KDM4C: variants seen among roughly 807,000 people sequenced by gnomAD.
The protein encoded by KDM4C is lysine-specific demethylase 4C.
In KDM4C, 81 loss-of-function variants were observed where a neutral mutation model predicts 129.3. That is an observed-to-expected ratio of 0.63 (90% confidence interval 0.52 to 0.75). KDM4C has a LOEUF of 0.75. Among genes scored for constraint, KDM4C ranks in the 30% least tolerant of loss-of-function variants. The pLI, the probability that KDM4C is intolerant of heterozygous loss-of-function variation, is 0.00. For synonymous variants in KDM4C, 573 were observed against 456.1 expected (o/e 1.26, Z -3.26); for missense variants, 1,457 against 1,304.0 (o/e 1.12, Z -1.81).
intron 18 of KDM4C, among the ~76,000 whole-genome samples, chr9:7,113,455 T>C (rs977843847): frequency 6.6e-6 from 1 of 152,208 alleles, no homozygotes; most frequent in Non-Finnish European, 1.5e-5. Context: ...TAAACATTTT[T>C]GAACCCTATT....
At chr9:6,979,988 G>A (rs552150663) in intron 8 of KDM4C, among the ~76,000 whole-genome samples, 2 of 152,168 alleles carry the variant, frequency 1.3e-5, no homozygotes, top group African/African-American at 4.8e-5. Flanking sequence ...GGGAGTTTGG[G>A]TTTGGATATA....
intron 4 of KDM4C, among the ~76,000 whole-genome samples, chr9:6,822,428 G>A (rs1455353251): frequency 2.0e-5 from 3 of 152,170 alleles, no homozygotes; most frequent in Non-Finnish European, 4.4e-5. Context: ...TAATATAATT[G>A]ACTACATTGA....
chr9:7,068,856 C>T (rs1321747105), intron 17 of KDM4C, among the ~76,000 whole-genome samples: 1 of 151,824 alleles, frequency 6.6e-6, no homozygotes, highest in African/African-American at 2.4e-5. Context: ...ACCACCACGC[C>T]CAGCTAGTTT....
chr9:6,744,384 G>A (rs1563922978), intron 1 of KDM4C, among the ~76,000 whole-genome samples: 1 of 152,094 alleles, frequency 6.6e-6, no homozygotes, highest in African/African-American at 2.4e-5. Context: ...AATTAGCTGG[G>A]CATGGTGGCG....
At chr9:6,963,510 C>G (rs983009734) in intron 8 of KDM4C, among the ~76,000 whole-genome samples, 1 of 152,110 alleles carries the variant, frequency 6.6e-6, no homozygotes, top group Non-Finnish European at 1.5e-5. Flanking sequence ...GGGGAGCTGA[C>G]CTAGTCTATG....
intron 1 of KDM4C, among the ~76,000 whole-genome samples, chr9:6,761,932 G>A (rs1032970981): frequency 5.9e-5 from 9 of 151,816 alleles, no homozygotes; most frequent in South Asian, 2.1e-4. Context: ...TCAGCCTCCC[G>A]AGTAGCTGGG....
chr9:6,796,368 C>A (rs1027988692), intron 2 of KDM4C, among the ~76,000 whole-genome samples: 1 of 152,160 alleles, frequency 6.6e-6, no homozygotes, highest in South Asian at 2.1e-4. Flanking sequence ...TCACTTGAAC[C>A]CGGGAGGTGG....
At chr9:7,074,665 C>A (rs1009120983) in intron 17 of KDM4C, among the ~76,000 whole-genome samples, 1 of 152,052 alleles carries the variant, frequency 6.6e-6, no homozygotes, top group Non-Finnish European at 1.5e-5. Context: ...TTATTAAATT[C>A]AGATTTAGCA....
chr9:6,896,472 AAT>A (rs147956009), intron 8 of KDM4C, among the ~76,000 whole-genome samples: 5,037 of 148,804 alleles, frequency 0.034, 82 homozygotes, highest in South Asian at 0.063. Flanking sequence ...AACACTATGA[AAT>A]ATATATATAT....
chr9:6,842,753 A>G (rs1466628938), intron 4 of KDM4C, among the ~76,000 whole-genome samples: 1 of 151,920 alleles, frequency 6.6e-6, no homozygotes, highest in Non-Finnish European at 1.5e-5. Context: ...TCTCCTTTAG[A>G]CAGGATAGTA....
chr9:6,959,059 C>T (rs1308587253), intron 8 of KDM4C, among the ~76,000 whole-genome samples: 1 of 152,200 alleles, frequency 6.6e-6, no homozygotes, highest in Non-Finnish European at 1.5e-5. Context: ...TAGAATAAAA[C>T]ATTTATAGTC....
At chr9:6,785,954 A>G (rs1374614978) in intron 1 of KDM4C, among the ~76,000 whole-genome samples, 2 of 152,186 alleles carry the variant, frequency 1.3e-5, no homozygotes, top group Non-Finnish European at 2.9e-5. Flanking sequence ...TTCTAGCCAG[A>G]GACATAGTCT....
At position 7,011,926 on chromosome 9, in the gene KDM4C, T is replaced by C. The variant is rs749021970; in HGVS notation, c.1968+47T>C. On this transcript the variant is annotated intron_variant, in intron 13 of 21. Coordinates refer to ENST00000381309, the MANE Select transcript of KDM4C (RefSeq NM_015061.6). Reference sequence around the variant, plus strand: ...GTTCCCTTCACTGCTCTGCCTTCCATGTGACCACATACCACAAGATCACTG... The same window carrying C: ...GTTCCCTTCACTGCTCTGCCTTCCACGTGACCACATACCACAAGATCACTG... The C allele has an allele frequency of 8.9e-6, 13 of 1,468,766 alleles. No individual in the cohort carries two copies. In the Admixed American group the frequency reaches 1.7e-4, roughly 19 times the overall value. The allele number at this position is 1,468,766 out of a possible 1,614,324, so 91.0% of individuals were successfully genotyped here.
intron 17 of KDM4C, among the ~76,000 whole-genome samples, chr9:7,075,978 A>G (rs1833860914): frequency 6.6e-6 from 1 of 152,190 alleles, no homozygotes; most frequent in Admixed American, 6.5e-5. Context: ...TTCCTCAGTC[A>G]TAGAAAAGAA....
rs186247976 is a variant in KDM4C at position 6,886,458 on chromosome 9, A to G, written c.680-1502A>G. Among the ~76,000 whole-genome samples the G allele has an allele frequency of 1.7e-3, 252 of 150,316 alleles. 2 individuals carry two copies. The highest frequency in any genetic ancestry group is 5.9e-3 in the African/African-American group (239 of 40,842). ...CTCCTGAGCAGCTAGGACTACAGGC[A>G]CGCACCACCATGCCCGCCTAATTTT... On this transcript the variant is annotated intron_variant, in intron 6 of 21. Transcript: ENST00000381309.
chr9:6,977,333 T>C (rs1833092148), intron 8 of KDM4C, among the ~76,000 whole-genome samples: 1 of 152,216 alleles, frequency 6.6e-6, no homozygotes, highest in Non-Finnish European at 1.5e-5. Flanking sequence ...CCTCTTTAGG[T>C]TATAATATGA....
At chr9:6,863,331 G>C (rs1159026643) in intron 5 of KDM4C, among the ~76,000 whole-genome samples, 1 of 152,128 alleles carries the variant, frequency 6.6e-6, no homozygotes, top group African/African-American at 2.4e-5. Flanking sequence ...GTGTAGCTAT[G>C]AAGGAATACC....
chr9:7,107,212 T>C (rs1288663067), intron 18 of KDM4C, among the ~76,000 whole-genome samples: 1 of 152,270 alleles, frequency 6.6e-6, no homozygotes, highest in Admixed American at 6.5e-5. Flanking sequence ...TCTGGCTGTA[T>C]TTCCAAAGGT....
At chr9:6,986,153 T>G (rs531535021) in intron 10 of KDM4C, among the ~76,000 whole-genome samples, 191 bp from the exon 11 acceptor site, 9 of 152,334 alleles carry the variant, frequency 5.9e-5, no homozygotes, top group African/African-American at 2.2e-4. Context: ...GTAGAAGAAC[T>G]GGGTTGTTCA....
Sources: allele counts gnomAD v4.1 joint callset (sites outside exome capture counted in the v4.1 genomes callset), GRCh38; gene constraint gnomAD v4.1.1; transcripts MANE v1.5; gene names NCBI Gene and HGNC (gene_info 2026-07-23, HGNC 2026-07-21).